FAM171A1: variants seen among roughly 807,000 people sequenced by gnomAD.
The protein encoded by FAM171A1 is protein FAM171A1.
A neutral mutation model predicts 74.9 loss-of-function variants in FAM171A1; 23 were observed. The ratio of observed to expected loss-of-function variants is 0.31; its 90% CI spans 0.22 to 0.44. FAM171A1 has a LOEUF of 0.44. FAM171A1 is among the 20% of genes least tolerant of loss of function. The pLI, the probability that FAM171A1 is intolerant of heterozygous loss-of-function variation, is 1.00. For missense variants in FAM171A1, 1,162 were observed against 1,159.2 expected, an observed-to-expected ratio of 1.00 and a Z score of -0.03; for synonymous variants, 527 against 505.7, an observed-to-expected ratio of 1.04 and a Z score of -0.57.
chr10:15,296,593 G>A (rs551617347), intron 1 of FAM171A1, among the ~76,000 whole-genome samples: 3 of 152,306 alleles, frequency 2.0e-5, no homozygotes, highest in Non-Finnish European at 4.4e-5. Flanking sequence ...TCAGAGAGAC[G>A]AATACGCTGG....
chr10:15,324,584 G>A (rs1217281383), intron 1 of FAM171A1, among the ~76,000 whole-genome samples: 1 of 152,178 alleles, frequency 6.6e-6, no homozygotes, highest in African/African-American at 2.4e-5. Context: ...ATCCTGCACA[G>A]TCGGCTGAGA....
rs976192489 is a variant in FAM171A1 at position 15,226,916 on chromosome 10, C to T, written c.755-5856G>A. ...CCTGGAGCTGTATGCTATTGGGAAA[C>T]ACACAACCTTATTACAGTTCTGTCT... On this transcript the variant is annotated intron_variant, in intron 5 of 7. Transcript: ENST00000378116. Among the ~76,000 whole-genome samples the T allele has an allele frequency of 6.6e-5, 10 of 152,308 alleles. No individual in the cohort carries two copies. In the East Asian group the frequency reaches 1.7e-3, roughly 26 times the overall value.
chr10:15,254,954 CCTCT>C (rs1734230296), intron 3 of FAM171A1, 75 bp from the exon 4 acceptor site: 1 of 1,464,830 alleles, frequency 6.8e-7, no homozygotes, highest in Non-Finnish European at 9.4e-7. Flanking sequence ...CCAGGAAGTG[CCTCT>C]CTAAGGTTTC....
chr10:15,372,559 A>G (rs907357009), upstream of FAM171A1, among the ~76,000 whole-genome samples: 3 of 151,818 alleles, frequency 2.0e-5, no homozygotes, highest in Admixed American at 6.6e-5. Context: ...TTAACCAGGC[A>G]TAGTGGCCCA....
chr10:15,272,950 A>G (rs1186890280), intron 3 of FAM171A1, among the ~76,000 whole-genome samples: 1 of 152,238 alleles, frequency 6.6e-6, no homozygotes, highest in Non-Finnish European at 1.5e-5. Context: ...GAAAGATCTA[A>G]AATTGACACC....
chr10:15,251,245 T>A (rs1301073984), intron 4 of FAM171A1, among the ~76,000 whole-genome samples: 2 of 152,172 alleles, frequency 1.3e-5, no homozygotes, highest in Non-Finnish European at 2.9e-5. Context: ...GGATTTCATG[T>A]CCCTTTAGTG....
chr10:15,246,639 A>G (rs992618876), intron 5 of FAM171A1, among the ~76,000 whole-genome samples: 1 of 152,184 alleles, frequency 6.6e-6, no homozygotes, highest in Non-Finnish European at 1.5e-5. Flanking sequence ...CTCCCAACTT[A>G]GCCTCCCAAG....
intron 1 of FAM171A1, among the ~76,000 whole-genome samples, chr10:15,304,789 T>G (rs1835274053): frequency 6.6e-6 from 1 of 152,190 alleles, no homozygotes; most frequent in African/African-American, 2.4e-5. Flanking sequence ...CAGGCTAGAG[T>G]GCACTGGCGC....
chr10:15,222,411 G>C (rs112584305), intron 5 of FAM171A1, among the ~76,000 whole-genome samples: 1 of 152,160 alleles, frequency 6.6e-6, no homozygotes, highest in Non-Finnish European at 1.5e-5. Flanking sequence ...CTACAAACCC[G>C]TACATCGTGT....
intron 7 of FAM171A1, among the ~76,000 whole-genome samples, 160 bp from the exon 8 acceptor site, chr10:15,214,761 T>TTC (rs1310321521): frequency 1.3e-5 from 2 of 150,278 alleles, no homozygotes; most frequent in Non-Finnish European, 3.0e-5. Flanking sequence ...GCCCTGTCTT[T>TTC]TTTTTTTTTT....
At chr10:15,358,746 G>T (rs1835960826) in intron 1 of FAM171A1, among the ~76,000 whole-genome samples, 2 of 152,122 alleles carry the variant, frequency 1.3e-5, no homozygotes, top group Admixed American at 6.6e-5. Context: ...ATGGTTCAAG[G>T]GCAAACAGGA....
intron 1 of FAM171A1, among the ~76,000 whole-genome samples, chr10:15,332,607 G>A (rs1435079521): frequency 6.6e-6 from 1 of 152,162 alleles, no homozygotes; most frequent in African/African-American, 2.4e-5. Context: ...TTGCCAACCT[G>A]TAATGATGAG....
chr10:15,368,305 C>A (rs1836091300), intron 1 of FAM171A1, among the ~76,000 whole-genome samples: 1 of 152,140 alleles, frequency 6.6e-6, no homozygotes, highest in Non-Finnish European at 1.5e-5. Context: ...CCAAGAAATT[C>A]TGCAGATGCT....
intron 1 of FAM171A1, among the ~76,000 whole-genome samples, chr10:15,284,568 G>C (rs1379174181): frequency 1.3e-5 from 2 of 152,134 alleles, no homozygotes; most frequent in Non-Finnish European, 2.9e-5. Flanking sequence ...GACTACAGGT[G>C]TGTGCCACCA....
chr10:15,373,915 T>TTTG (rs974337577), upstream of FAM171A1, among the ~76,000 whole-genome samples: 5 of 152,172 alleles, frequency 3.3e-5, no homozygotes, highest in African/African-American at 1.2e-4. Flanking sequence ...CCTGCCTTAT[T>TTTG]TTGTTGTTGT....
intron 1 of FAM171A1, among the ~76,000 whole-genome samples, chr10:15,297,838 T>C (rs1835179101): frequency 6.6e-6 from 1 of 152,168 alleles, no homozygotes; most frequent in Non-Finnish European, 1.5e-5. Flanking sequence ...CGGTACAAAA[T>C]GAGGTTTTCT....
intron 4 of FAM171A1, among the ~76,000 whole-genome samples, chr10:15,249,519 A>C (rs1046695298): frequency 6.6e-6 from 1 of 152,248 alleles, no homozygotes; most frequent in Non-Finnish European, 1.5e-5. Context: ...TTTTACACAA[A>C]GTGAGCCCCA....
chr10:15,268,763 G>A (rs1003969783), intron 3 of FAM171A1, among the ~76,000 whole-genome samples: 2 of 152,160 alleles, frequency 1.3e-5, no homozygotes, highest in African/African-American at 4.8e-5. Context: ...AAGAAAGAAA[G>A]TTGGGCCAGG....
At chr10:15,329,379 T>C (rs1181061486) in intron 1 of FAM171A1, among the ~76,000 whole-genome samples, 1 of 152,128 alleles carries the variant, frequency 6.6e-6, no homozygotes, top group Non-Finnish European at 1.5e-5. Context: ...CCAGGCTTGG[T>C]GGCGCACAAT....
Sources: allele counts gnomAD v4.1 joint callset (sites outside exome capture counted in the v4.1 genomes callset), GRCh38; gene constraint gnomAD v4.1.1; transcripts MANE v1.5; gene names NCBI Gene and HGNC (gene_info 2026-07-23, HGNC 2026-07-21).